PCNX2: variants seen among roughly 807,000 people sequenced by gnomAD.
The protein encoded by PCNX2 is pecanex 2.
A neutral mutation model predicts 223.8 loss-of-function variants in PCNX2; 168 were observed. The observed-to-expected ratio is 0.75, with a 90% CI of 0.66 to 0.85. The LOEUF is 0.85. PCNX2 is among the 40% of genes least tolerant of loss of function. The probability of loss-of-function intolerance (pLI) is 0.00; values close to 1 mark genes in which losing one functional copy is unlikely to be tolerated. For synonymous variants in PCNX2, 1,006 were observed against 1,052.6 expected, an observed-to-expected ratio of 0.96 and a Z score of 0.86; for missense variants, 2,507 against 2,675.5, an observed-to-expected ratio of 0.94 and a Z score of 1.39.
At chr1:233,141,860 T>G (rs1677147684) in intron 19 of PCNX2, among the ~76,000 whole-genome samples, 5 of 151,848 alleles carry the variant, frequency 3.3e-5, no homozygotes, top group Admixed American at 3.3e-4. Flanking sequence ...TCGAATGGGC[T>G]AGGAATGGTG....
At chr1:233,021,767 T>C (rs1670898028) in intron 26 of PCNX2, among the ~76,000 whole-genome samples, 1 of 152,218 alleles carries the variant, frequency 6.6e-6, no homozygotes, top group African/African-American at 2.4e-5. Context: ...AAGCCAGCTA[T>C]TACCCGGCAG....
intron 8 of PCNX2, among the ~76,000 whole-genome samples, chr1:233,240,820 G>A (rs927506102): frequency 1.3e-5 from 2 of 152,120 alleles, no homozygotes; most frequent in Non-Finnish European, 2.9e-5. Flanking sequence ...CACCATACTG[G>A]ACTCACCAGG....
rs1351981775 is a variant in PCNX2, at chr1:233,208,472, AC to A, written c.2863+45del. ...AATTCAGAAGACAAAGGGGAGACAT[AC>A]CCCCAACCCCCATATTCTTCCCCAC... On this transcript the variant is annotated intron_variant, in intron 13 of 33. Transcript: ENST00000258229. The A allele has an allele frequency of 2.6e-6, 4 of 1,549,496 alleles. No individual in the cohort carries two copies. The South Asian group carries it at 3.5e-5, about 14-fold the overall frequency.
chr1:233,259,157 C>G lies in PCNX2; in HGVS notation c.705G>C (p.Gly235=), dbSNP rs1226119621. The G allele has an allele frequency of 1.2e-6, 2 of 1,613,880 alleles. No individual in the cohort carries two copies. Among genetic ancestry groups the G allele is most frequent in the African/African-American group, 2.7e-5 (2 of 74,928 alleles). ...NGKGKERGGK[G]QPPLRHRSEG... Reference sequence around the variant, plus strand: ...CGGATCTGTGGCGCAAAGGAGGCTGCCCCTTGCCTCCTCTTTCCTTTCCTT... The same window carrying G: ...CGGATCTGTGGCGCAAAGGAGGCTGGCCCTTGCCTCCTCTTTCCTTTCCTT... The change falls in exon 5 of 34, where the codon GGG becomes GGC. Residue 235 remains glycine (G), a synonymous_variant. Coordinates refer to ENST00000258229, the MANE Select transcript of PCNX2 (RefSeq NM_014801.4).
At position 233,295,352 on chromosome 1, in the gene PCNX2, G is replaced by C; in HGVS notation, c.127C>G (p.Leu43Val). The C allele has an allele frequency of 6.4e-7, 1 of 1,572,044 alleles. No homozygotes were observed. The highest frequency in any genetic ancestry group is 8.6e-7 in the Non-Finnish European group (1 of 1,158,372). The part of the protein sequence containing the change: ...SCHLYLWLFL[L>V]LLPLALHLAF... ...AGGTGCAGGGCCAGGGGCAGCAGCA[G>C]GAGGAACAGCCACAGGTAGAGGTGG... Residue 43 changes from leucine to valine, a missense_variant, in exon 1 of 34, where the codon CTG becomes GTG. Leu to Val is a conservative substitution (Grantham distance 32). Transcript: ENST00000258229. This position sits in a 1 kb window ranked among gnomAD's most constrained non-coding sequence, Gnocchi z 4.1.
intron 25 of PCNX2, among the ~76,000 whole-genome samples, chr1:233,048,623 C>T (rs7533805): frequency 0.11 from 16,581 of 152,104 alleles, 1,202 homozygotes; most frequent in African/African-American, 0.21. Flanking sequence ...CAATAACAAT[C>T]TAACCCCAAA....
At chr1:233,164,253 A>T (rs1314480118) in intron 17 of PCNX2, among the ~76,000 whole-genome samples, 1 of 152,230 alleles carries the variant, frequency 6.6e-6, no homozygotes, top group Non-Finnish European at 1.5e-5. Flanking sequence ...ATGATATACC[A>T]TCTCATCCCA....
the PCNX2 span, among the ~76,000 whole-genome samples, chr1:233,325,320 A>G: frequency 6.6e-6 from 1 of 152,250 alleles, no homozygotes; most frequent in Middle Eastern, 3.4e-3. Context: ...CAGAGGAGAA[A>G]GGAACTGCAG....
the PCNX2 span, among the ~76,000 whole-genome samples, chr1:233,311,447 A>C: frequency 1.6e-4 from 24 of 152,348 alleles, no homozygotes; most frequent in East Asian, 9.7e-4. Flanking sequence ...ATGTTTGTTT[A>C]TATGTGTTGC....
intron 5 of PCNX2, among the ~76,000 whole-genome samples, chr1:233,257,047 G>GT (rs1283493711): frequency 1.3e-5 from 2 of 152,158 alleles, no homozygotes; most frequent in Non-Finnish European, 2.9e-5. Flanking sequence ...AATCACAGCA[G>GT]TAACAGAATT....
intron 16 of PCNX2, 59 bp downstream of exon 16, chr1:233,179,007 A>T: frequency 6.7e-7 from 1 of 1,496,630 alleles, no homozygotes; most frequent in Non-Finnish European, 9.2e-7. Context: ...CAGGGCACAA[A>T]GCTGCAGGAA....
chr1:233,186,133 T>C (rs1177976635), intron 15 of PCNX2, among the ~76,000 whole-genome samples: 1 of 152,222 alleles, frequency 6.6e-6, no homozygotes, highest in African/African-American at 2.4e-5. Context: ...GATTATAAAG[T>C]GAATATCAAC....
intron 21 of PCNX2, among the ~76,000 whole-genome samples, chr1:233,101,897 C>G (rs1220101980): frequency 3.2e-4 from 49 of 152,094 alleles, no homozygotes; most frequent in Non-Finnish European, 1.5e-5. Context: ...TGCCTTCTGC[C>G]TGCTGTAGAG....
intron 23 of PCNX2, among the ~76,000 whole-genome samples, chr1:233,081,119 C>A (rs757214772): frequency 6.6e-6 from 1 of 152,060 alleles, no homozygotes; most frequent in South Asian, 2.1e-4. Flanking sequence ...GAGGCCGAGG[C>A]GGGTGGATCA....
chr1:233,200,381 ATCT>A, intron 13 of PCNX2, 117 bp from the exon 14 acceptor site: 9 of 429,176 alleles, frequency 2.1e-5, no homozygotes, highest in South Asian at 3.1e-5. Flanking sequence ...ACTGGAGGCA[ATCT>A]TTTTTTTTTT....
intron 23 of PCNX2, among the ~76,000 whole-genome samples, chr1:233,059,630 T>C (rs576227320): frequency 1.3e-5 from 2 of 152,338 alleles, no homozygotes; most frequent in East Asian, 3.9e-4. Flanking sequence ...AGTAAGTTTG[T>C]TGCTCACAAC....
intron 21 of PCNX2, among the ~76,000 whole-genome samples, chr1:233,100,861 C>T (rs1316135108): frequency 6.6e-6 from 1 of 152,236 alleles, no homozygotes. Flanking sequence ...CTCCCAGATT[C>T]ATTCTATCAT....
chr1:233,291,864 T>A (rs150075776), intron 1 of PCNX2: 2 of 985,206 alleles, frequency 2.0e-6, no homozygotes, highest in Non-Finnish European at 2.4e-6. Flanking sequence ...AACTGTGTAT[T>A]TGACATGAGG....
At chr1:233,281,564 A>G (rs1001692036) in intron 1 of PCNX2, among the ~76,000 whole-genome samples, 2 of 152,334 alleles carry the variant, frequency 1.3e-5, no homozygotes, top group South Asian at 4.1e-4. Flanking sequence ...ATAATTTTTT[A>G]AAGTCCAAGT....
Sources: gnomAD v4.1 joint callset for allele counts (sites outside exome capture counted in the v4.1 genomes callset) on GRCh38, gnomAD v4.1.1 for gene constraint, Gnocchi (gnomAD v3.1) non-coding constraint, MANE v1.5 for transcripts, NCBI Gene and HGNC (gene_info 2026-07-23, HGNC 2026-07-21) for gene names.